Variants in PTPRD observed in about 807,000 individuals in gnomAD.
PTPRD encodes the protein receptor-type tyrosine-protein phosphatase delta.
A neutral mutation model predicts 214.5 loss-of-function variants in PTPRD; 34 were observed. The ratio of observed to expected loss-of-function variants is 0.16; its 90% CI spans 0.12 to 0.21. The LOEUF (loss-of-function observed/expected upper bound fraction) is 0.21. Ranked by LOEUF, PTPRD falls within the 10% of genes least tolerant of loss-of-function variation. The probability of loss-of-function intolerance (pLI) is 1.00; values close to 1 mark genes in which losing one functional copy is unlikely to be tolerated. For synonymous variants in PTPRD, 1,128 were observed against 845.7 expected (o/e 1.33, Z -5.79); for missense variants, 2,545 against 2,398.7 (o/e 1.06, Z -1.27).
chr9:9,848,054 T>G (rs915807722), intron 5 of PTPRD, among the ~76,000 whole-genome samples: 2 of 152,060 alleles, frequency 1.3e-5, no homozygotes, highest in African/African-American at 4.8e-5. Context: ...TGTGAATAAG[T>G]CAGATGAGCT....
intron 2 of PTPRD, among the ~76,000 whole-genome samples, chr9:10,348,011 T>C (rs2097118134): frequency 6.6e-6 from 1 of 151,948 alleles, no homozygotes; most frequent in African/African-American, 2.4e-5. Flanking sequence ...TGACCCGAGA[T>C]CATGCCACTG....
intron 26 of PTPRD, among the ~76,000 whole-genome samples, chr9:8,496,497 A>C (rs554761036): frequency 8.5e-5 from 13 of 152,346 alleles, no homozygotes; most frequent in African/African-American, 3.1e-4. Context: ...TGGCATATAC[A>C]TAACAGTCCC....
intron 3 of PTPRD, among the ~76,000 whole-genome samples, chr9:10,330,343 G>C (rs1172539826): frequency 1.3e-5 from 2 of 151,812 alleles, no homozygotes; most frequent in South Asian, 2.1e-4. Context: ...ACAAAGAGCA[G>C]AGAATAAAGG....
At chr9:8,675,737 A>C (rs553374809) in intron 12 of PTPRD, among the ~76,000 whole-genome samples, 1 of 151,714 alleles carries the variant, frequency 6.6e-6, no homozygotes, top group African/African-American at 2.4e-5. Context: ...TATCTCCATC[A>C]CCTTGTCTCC....
chr9:8,353,838 A>ATGTGTATATATGTATATATG (rs756242146), intron 39 of PTPRD, among the ~76,000 whole-genome samples: 10 of 46,688 alleles, frequency 2.1e-4, no homozygotes, highest in Admixed American at 1.7e-3. Flanking sequence ...ATATGTATAT[A>ATGTGTATATATGTATATATG]TGTATATATG....
intron 5 of PTPRD, among the ~76,000 whole-genome samples, chr9:9,856,763 G>C (rs561547562): frequency 2.6e-4 from 39 of 152,256 alleles, no homozygotes; most frequent in Admixed American, 2.1e-3. Context: ...TTAACTCTCT[G>C]TATTCCCCCT....
At chr9:10,070,210 T>C (rs1003111365) in intron 3 of PTPRD, among the ~76,000 whole-genome samples, 2 of 152,094 alleles carry the variant, frequency 1.3e-5, no homozygotes, top group South Asian at 2.1e-4. Context: ...CTGTCTGTTT[T>C]GTCCACTTTT....
At chr9:9,098,057 T>C (rs1023069476) in intron 10 of PTPRD, among the ~76,000 whole-genome samples, 1 of 151,838 alleles carries the variant, frequency 6.6e-6, no homozygotes, top group African/African-American at 2.4e-5. Context: ...AATATATTTA[T>C]ATATAATCAA....
chr9:9,447,151 A>T (rs1015394118), intron 8 of PTPRD, among the ~76,000 whole-genome samples: 2 of 152,144 alleles, frequency 1.3e-5, no homozygotes, highest in African/African-American at 4.8e-5. Flanking sequence ...TTAACCCAGC[A>T]ATCCGATTAC....
At chr9:8,641,243 T>G (rs939906293) in intron 12 of PTPRD, among the ~76,000 whole-genome samples, 1 of 148,244 alleles carries the variant, frequency 6.7e-6, no homozygotes, top group Non-Finnish European at 1.5e-5. Flanking sequence ...AGACTAAGAT[T>G]TGAATCGTGA....
In PTPRD at chr9:10,187,970, T is replaced by C. The variant is rs78391730; in HGVS notation, c.-545+152993A>G. Among the ~76,000 whole-genome samples, 1,461 of 152,316 alleles carry C rather than the reference T, an allele frequency of 9.6e-3. 14 individuals are homozygous for C. Among genetic ancestry groups the C allele is most frequent in the Non-Finnish European group, 0.016 (1,120 of 68,024 alleles). On this transcript the variant is annotated intron_variant, in intron 3 of 45. Transcript: ENST00000381196. ...TTTCTCTTTGTTTATGGAATCCATA[T>C]TAAATTATTTAGTTTGACATTGAGA...
At chr9:9,528,807 T>C (rs1016961053) in intron 8 of PTPRD, among the ~76,000 whole-genome samples, 2 of 150,980 alleles carry the variant, frequency 1.3e-5, no homozygotes, top group Non-Finnish European at 1.5e-5. Flanking sequence ...AAGACATCTT[T>C]ATAGTACTGT....
intron 3 of PTPRD, among the ~76,000 whole-genome samples, chr9:10,187,362 T>C (rs2099340542): frequency 6.6e-6 from 1 of 152,172 alleles, no homozygotes; most frequent in Non-Finnish European, 1.5e-5. Flanking sequence ...TGCCTAGATA[T>C]ATTTAGGATC....
intron 9 of PTPRD, among the ~76,000 whole-genome samples, chr9:9,285,372 T>TAAGAGAAG (rs1569567063): frequency 6.6e-6 from 1 of 151,834 alleles, no homozygotes; most frequent in African/African-American, 2.4e-5. Flanking sequence ...CTCTTCAGTC[T>TAAGAGAAG]ATAAAGAATG....
At chr9:9,035,262 A>G (rs2099617920) in intron 10 of PTPRD, among the ~76,000 whole-genome samples, 1 of 151,968 alleles carries the variant, frequency 6.6e-6, no homozygotes, top group South Asian at 2.1e-4. Flanking sequence ...AATAAGAGCT[A>G]TTTTCCTTTC....
intron 11 of PTPRD, among the ~76,000 whole-genome samples, chr9:8,912,184 T>C (rs1178639945): frequency 6.6e-6 from 1 of 152,180 alleles, no homozygotes; most frequent in Admixed American, 6.6e-5. Context: ...AAAATATATG[T>C]CCATGTAAAA....
chr9:9,194,161 C>T (rs2099936871), intron 9 of PTPRD, among the ~76,000 whole-genome samples: 1 of 152,102 alleles, frequency 6.6e-6, no homozygotes, highest in Non-Finnish European at 1.5e-5. Flanking sequence ...ACCTCCACAT[C>T]TTGTCCCCAC....
intron 9 of PTPRD, among the ~76,000 whole-genome samples, chr9:9,246,214 G>C (rs994181180): frequency 2.6e-5 from 4 of 151,946 alleles, no homozygotes; most frequent in African/African-American, 9.7e-5. Flanking sequence ...CCTGAATTCT[G>C]GGCTGGATCC....
intron 4 of PTPRD, among the ~76,000 whole-genome samples, chr9:9,993,725 C>G (rs1459895397): frequency 6.6e-6 from 1 of 152,060 alleles, no homozygotes; most frequent in Non-Finnish European, 1.5e-5. Flanking sequence ...TAATTACATG[C>G]GTCTGGTCAC....
Sources: gnomAD v4.1 joint callset for allele counts (sites outside exome capture counted in the v4.1 genomes callset) on GRCh38, gnomAD v4.1.1 for gene constraint, MANE v1.5 for transcripts, NCBI Gene and HGNC (gene_info 2026-07-23, HGNC 2026-07-21) for gene names.